VWA3B: variants seen among roughly 807,000 people sequenced by gnomAD.
The protein encoded by VWA3B is von Willebrand factor A domain-containing protein 3B.
VWA3B carries 138 observed loss-of-function variants against 158.3 expected under a neutral mutation model. The observed-to-expected ratio is 0.87, with a 90% CI of 0.76 to 1.00. VWA3B has a LOEUF of 1.00. Among genes scored for constraint, VWA3B ranks in the 50% least tolerant of loss-of-function variants. The pLI is 0.00. For synonymous variants in VWA3B, 596 were observed against 587.3 expected (o/e 1.01, Z -0.21); for missense variants, 1,555 against 1,565.1 (o/e 0.99, Z 0.11).
chr2:98,148,427 A>T (rs184772345), intron 7 of VWA3B, among the ~76,000 whole-genome samples: 1 of 152,280 alleles, frequency 6.6e-6, no homozygotes, highest in Non-Finnish European at 1.5e-5. Flanking sequence ...GTTTCTTATC[A>T]CATTGTGTGA....
rs1180365420 is a variant in VWA3B at position 98,266,121 on chromosome 2, T to C, written c.2844-4561T>C. 2.7e-5 allele frequency among the ~76,000 whole-genome samples: 4 copies of C among 149,694 alleles called. No individual in the cohort carries two copies. In the East Asian group the frequency reaches 5.8e-4, roughly 22 times the overall value. ...GTTTTAGACATGAAGTCCTTGCCCA[T>C]GCCTATGTCCTGAATGGTAATGCCT... On this transcript the variant is annotated intron_variant, in intron 21 of 27. Coordinates refer to ENST00000477737, the MANE Select transcript of VWA3B (RefSeq NM_144992.5).
intron 22 of VWA3B, among the ~76,000 whole-genome samples, chr2:98,284,990 A>G (rs1248295744): frequency 6.6e-6 from 1 of 152,208 alleles, no homozygotes; most frequent in African/African-American, 2.4e-5. Flanking sequence ...GCAAAATATT[A>G]TGAGTGGTTA....
At position 98,179,790 on chromosome 2, in the gene VWA3B, C is replaced by CTTTCTTTCTT. The variant is rs1553404716; in HGVS notation, c.1115-1224_1115-1215dup. On this transcript the variant is annotated intron_variant, in intron 8 of 27. Coordinates refer to ENST00000477737, the MANE Select transcript of VWA3B (RefSeq NM_144992.5). ...TTCTCTCTTTCTTTCTCTTTCTTTTCTTTCTTTCTTTCTTTCTTTCTTTCT... is the reference window on the plus strand; with the variant it reads ...TTCTCTCTTTCTTTCTCTTTCTTTTCTTTCTTTCTTTTTCTTTCTTTCTTTCTTTCTTTCT... Among the ~76,000 whole-genome samples the CTTTCTTTCTT allele has an allele frequency of 5.7e-4, 11 of 19,350 alleles. No homozygotes were observed. In the South Asian group the frequency reaches 0.012, roughly 21 times the overall value. The allele number at this position is 19,350 out of a possible 152,430, so 12.7% of individuals were successfully genotyped here.
chr2:98,313,130 A>G lies in VWA3B; in HGVS notation c.*781A>G, dbSNP rs1388572902. ...AGCACAGGTCATCACTAGGGAAAAT[A>G]TTGGATGCTTTTTGCAAACAGAACA... On this transcript the variant is annotated 3_prime_UTR_variant, in exon 28 of 28. Coordinates refer to ENST00000477737, the MANE Select transcript of VWA3B (RefSeq NM_144992.5). 1.3e-5 allele frequency: 2 copies of G among 152,190 alleles called. No individual in the cohort carries two copies. Among genetic ancestry groups the G allele is most frequent in the African/African-American group, 4.8e-5 (2 of 41,432 alleles). The allele number at this position is 152,190 out of a possible 1,614,324, so 9.4% of individuals were successfully genotyped here. A position where few individuals can be genotyped will look rare whatever the true frequency, so the allele number is the denominator to read the frequency against.
rs753657308 is a variant in VWA3B, at chr2:98,166,824, A to ACACACACT, written c.1114+3849_1114+3850insACACACTC. Among the ~76,000 whole-genome samples, 389 of 151,062 alleles carry ACACACACT rather than the reference A, an allele frequency of 2.6e-3. 2 individuals are homozygous for ACACACACT. The highest frequency in any genetic ancestry group is 2.9e-3 in the Non-Finnish European group (197 of 67,560). On this transcript the variant is annotated intron_variant, in intron 8 of 27. Transcript: ENST00000477737. ...TACACACACACACACACACACACAC[A>ACACACACT]CTCAAACTAAAACCCAAAATAACTC...
At chr2:98,112,789 G>A (rs1428889818) in intron 2 of VWA3B, among the ~76,000 whole-genome samples, 2 of 151,680 alleles carry the variant, frequency 1.3e-5, no homozygotes, top group Admixed American at 6.6e-5. Flanking sequence ...AGTTTGCTAA[G>A]CATCTTGATA....
At chr2:98,318,162 G>A (rs1412002623), downstream of VWA3B, among the ~76,000 whole-genome samples, 1 of 152,184 alleles carries the variant, frequency 6.6e-6, no homozygotes, top group East Asian at 1.9e-4. Context: ...AGACTGTGTG[G>A]CAATTCCTCA....
intron 13 of VWA3B, among the ~76,000 whole-genome samples, chr2:98,212,587 G>C (rs978869188): frequency 1.3e-5 from 2 of 152,200 alleles, no homozygotes; most frequent in Non-Finnish European, 2.9e-5. Flanking sequence ...TAAATAAATA[G>C]AAGGATTTTC....
At chr2:98,238,370 A>G (rs1379291389) in intron 19 of VWA3B, among the ~76,000 whole-genome samples, 1 of 152,236 alleles carries the variant, frequency 6.6e-6, no homozygotes, top group African/African-American at 2.4e-5. Flanking sequence ...TCTAGAAGCA[A>G]CAGGGAGAAA....
intron 22 of VWA3B, among the ~76,000 whole-genome samples, chr2:98,274,271 T>C (rs546718329): frequency 1.3e-5 from 2 of 152,292 alleles, no homozygotes; most frequent in African/African-American, 2.4e-5. Flanking sequence ...CTGGCCTTAT[T>C]TGTAGCTGTG....
chr2:98,239,940 A>C (rs1337768967), intron 19 of VWA3B, among the ~76,000 whole-genome samples: 1 of 151,934 alleles, frequency 6.6e-6, no homozygotes, highest in Non-Finnish European at 1.5e-5. Context: ...AAAGTGAAAC[A>C]GACCTGAAAG....
At chr2:98,268,359 A>T (rs1687983928) in intron 21 of VWA3B, among the ~76,000 whole-genome samples, 1 of 152,176 alleles carries the variant, frequency 6.6e-6, no homozygotes, top group African/African-American at 2.4e-5. Flanking sequence ...AGTGGGCTTC[A>T]ACCCTGGGAT....
At chr2:98,206,940 A>T (rs1683071905) in intron 12 of VWA3B, 1 of 469,414 alleles carries the variant, frequency 2.1e-6, no homozygotes. Context: ...CCTCCAAGGT[A>T]ATGCTGATGT....
rs914670262 is a variant in VWA3B, at chr2:98,270,973, A to G, written c.3045+90A>G. 44 of 1,232,744 alleles carry G rather than the reference A, an allele frequency of 3.6e-5. No individual in the cohort carries two copies. In the Admixed American group the frequency reaches 8.2e-4, roughly 23 times the overall value. The allele number at this position is 1,232,744 out of a possible 1,614,324, so 76.4% of individuals were successfully genotyped here. On this transcript the variant is annotated intron_variant, in intron 22 of 27. Coordinates refer to ENST00000477737, the MANE Select transcript of VWA3B (RefSeq NM_144992.5). ...ACATTGGCTTCCTTCTCTGTCTCCC[A>G]CTCCCCGCCACACTGATTTCTAAAA...
chr2:98,191,958 G>A (rs951164839), intron 10 of VWA3B, among the ~76,000 whole-genome samples: 7 of 152,084 alleles, frequency 4.6e-5, no homozygotes, highest in South Asian at 2.1e-4. Flanking sequence ...TTGCAGCTAC[G>A]AATTTCATTT....
chr2:98,153,703 TCTC>T (rs1320694403), intron 7 of VWA3B, among the ~76,000 whole-genome samples: 1 of 152,184 alleles, frequency 6.6e-6, no homozygotes. Context: ...CTTTCAGAAG[TCTC>T]CTTCCTTCCA....
chr2:98,272,119 A>G (rs1369908968), intron 22 of VWA3B, among the ~76,000 whole-genome samples: 1 of 152,206 alleles, frequency 6.6e-6, no homozygotes, highest in Non-Finnish European at 1.5e-5. Flanking sequence ...TAGAGATGAC[A>G]TCAGATCCCA....
At chr2:98,278,591 G>A (rs1688672870) in intron 22 of VWA3B, among the ~76,000 whole-genome samples, 1 of 152,112 alleles carries the variant, frequency 6.6e-6, no homozygotes, top group Admixed American at 6.5e-5. Flanking sequence ...CTTCCCCTGG[G>A]GTTCAGCCAT....
chr2:98,322,531 A>G, the VWA3B span, among the ~76,000 whole-genome samples: 1,608 of 152,310 alleles, frequency 0.011, 34 homozygotes, highest in African/African-American at 0.037. Context: ...AACCCAGGGA[A>G]CTCTGTGAAA....
Sources: gnomAD v4.1 joint callset for allele counts (sites outside exome capture counted in the v4.1 genomes callset) on GRCh38, gnomAD v4.1.1 for gene constraint, MANE v1.5 for transcripts, NCBI Gene and HGNC (gene_info 2026-07-23, HGNC 2026-07-21) for gene names.